EIF3J: variants seen among roughly 807,000 people sequenced by gnomAD.
EIF3J encodes eukaryotic translation initiation factor 3 subunit J.
EIF3J carries 15 observed loss-of-function variants against 39.0 expected under a neutral mutation model. The observed-to-expected ratio is 0.38, with a 90% CI of 0.26 to 0.59. EIF3J has a LOEUF of 0.59. EIF3J is among the 20% of genes least tolerant of loss of function. The pLI, the probability that EIF3J is intolerant of heterozygous loss-of-function variation, is 0.60. For missense variants in EIF3J, 226 were observed against 308.6 expected, an observed-to-expected ratio of 0.73 and a Z score of 2.00; for synonymous variants, 98 against 112.9, an observed-to-expected ratio of 0.87 and a Z score of 0.84.
At chr15:44,556,617 G>A (rs985535781) in intron 5 of EIF3J, among the ~76,000 whole-genome samples, 1 of 151,662 alleles carries the variant, frequency 6.6e-6, no homozygotes, top group Non-Finnish European at 1.5e-5. Flanking sequence ...AGTGATTCTC[G>A]TGCCTCAGCC....
chr15:44,539,772 T>C lies in EIF3J; in HGVS notation c.147+2345T>C, dbSNP rs565752485. Among the ~76,000 whole-genome samples, 14 of 148,572 alleles carry C rather than the reference T, an allele frequency of 9.4e-5. No individual in the cohort carries two copies. In the East Asian group the frequency reaches 2.4e-3, roughly 25 times the overall value. ...TTTTAACTTAAAGCAATCTATCTAT[T>C]CATCTAATTTTTTGAGAGAAGGTCT... On this transcript the variant is annotated intron_variant, in intron 2 of 7. Transcript: ENST00000261868.
At chr15:44,539,841 A>C (rs1595797144) in intron 2 of EIF3J, among the ~76,000 whole-genome samples, 2 of 147,506 alleles carry the variant, frequency 1.4e-5, no homozygotes, top group African/African-American at 2.5e-5. Flanking sequence ...GATCTCTGCA[A>C]CCTCCGCCTC....
At chr15:44,551,043 A>AC in intron 3 of EIF3J, 113 bp downstream of exon 3, 1 of 1,439,590 alleles carries the variant, frequency 6.9e-7, no homozygotes, top group Non-Finnish European at 9.2e-7. Flanking sequence ...GTATTTAGAA[A>AC]CCAAGTGTCC....
intron 2 of EIF3J, among the ~76,000 whole-genome samples, chr15:44,540,274 T>A (rs1348228373): frequency 1.4e-4 from 20 of 138,330 alleles, no homozygotes; most frequent in South Asian, 4.7e-4. Flanking sequence ...TATATTTTTT[T>A]TTTTTTTTTG....
At chr15:44,538,010 A>G (rs1313965870) in intron 2 of EIF3J, among the ~76,000 whole-genome samples, 1 of 152,128 alleles carries the variant, frequency 6.6e-6, no homozygotes, top group African/African-American at 2.4e-5. Flanking sequence ...AAAAGAATGA[A>G]CTGACCACTG....
intron 7 of EIF3J, 110 bp from the exon 8 acceptor site, chr15:44,560,908 A>G (rs1595809887): frequency 1.4e-6 from 2 of 1,413,574 alleles, no homozygotes; most frequent in East Asian, 4.8e-5. Flanking sequence ...TTACAGAACT[A>G]GTGTTTCTGG....
chr15:44,560,604 A>G (rs1367888805), intron 7 of EIF3J: 7 of 385,448 alleles, frequency 1.8e-5, no homozygotes, highest in South Asian at 6.1e-5. Flanking sequence ...TCTAAGCTTC[A>G]GTCTTCTCCC....
At chr15:44,552,791 C>T (rs1394149401) in intron 4 of EIF3J, among the ~76,000 whole-genome samples, 1 of 152,184 alleles carries the variant, frequency 6.6e-6, no homozygotes. Context: ...AACTCCTGAC[C>T]TCAGGTGATC....
intron 2 of EIF3J, among the ~76,000 whole-genome samples, chr15:44,543,831 C>G (rs1375855888): frequency 2.0e-5 from 3 of 152,002 alleles, no homozygotes; most frequent in Non-Finnish European, 4.4e-5. Context: ...ATGGGAGAAA[C>G]TAGGGACAGG....
At chr15:44,560,785 C>A (rs1036231226) in intron 7 of EIF3J, among the ~76,000 whole-genome samples, 1 of 152,178 alleles carries the variant, frequency 6.6e-6, no homozygotes, top group Non-Finnish European at 1.5e-5. Flanking sequence ...TAACTTATAA[C>A]CCCTGCTGGT....
intron 5 of EIF3J, among the ~76,000 whole-genome samples, chr15:44,555,389 C>G (rs953191031): frequency 3.9e-5 from 6 of 152,186 alleles, no homozygotes; most frequent in African/African-American, 1.4e-4. Flanking sequence ...TCTAGTTATT[C>G]TGATACCCCT....
intron 4 of EIF3J, among the ~76,000 whole-genome samples, chr15:44,551,788 C>T (rs565580803): frequency 6.6e-6 from 1 of 151,952 alleles, no homozygotes; most frequent in Non-Finnish European, 1.5e-5. Flanking sequence ...TTGCCAGTGC[C>T]TGTAGTTCAT....
intron 2 of EIF3J, among the ~76,000 whole-genome samples, chr15:44,544,885 T>C (rs1375922007): frequency 5.3e-5 from 8 of 150,960 alleles, no homozygotes; most frequent in African/African-American, 1.5e-4. Context: ...ATACCTGTAG[T>C]CCCAACTACT....
At position 44,557,646 on chromosome 15, in the gene EIF3J, T is replaced by G. The variant is rs1035618247; in HGVS notation, c.567T>G (p.Ile189Met). 2.7e-6 allele frequency: 4 copies of G among 1,472,102 alleles called. No individual in the cohort carries two copies. Among genetic ancestry groups the G allele is most frequent in the Non-Finnish European group, 3.6e-6 (4 of 1,107,616 alleles). 91.2% of individuals were successfully genotyped at this position (1,472,102 alleles called of 1,614,324 possible). Residue 189 changes from isoleucine to methionine, a missense_variant, in exon 6 of 8, where the codon ATT becomes ATG. Transcript: ENST00000261868. ...AAGTCTTAGTTCGAGATGTGTGTAT[T>G]TCATGTAAGTAATTCTAATTTCTAG... The part of the protein sequence containing the change: ...FLEVLVRDVC[I>M]SLEIDDLKKI...
chr15:44,552,538 TCC>T (rs1214086682), intron 4 of EIF3J, among the ~76,000 whole-genome samples: 1 of 151,180 alleles, frequency 6.6e-6, no homozygotes, highest in East Asian at 1.9e-4. Flanking sequence ...AGCCACCACG[TCC>T]AGCCTATTTT....
chr15:44,550,995 A>T, intron 3 of EIF3J, 65 bp downstream of exon 3: 1 of 1,554,482 alleles, frequency 6.4e-7, no homozygotes, highest in East Asian at 2.3e-5. Context: ...ACTTGTATTA[A>T]GACAAATGAC....
rs1301138337 is a variant in EIF3J at position 44,561,044 on chromosome 15, A to G, written c.672A>G (p.Lys224=). Residue 224 remains lysine, a synonymous_variant, in exon 8 of 8, where the codon AAA becomes AAG. Transcript: ENST00000261868. ...AAAGCAAAGCCAAAAAGAAGAAGAA[A>G]GGTGTGGTTCCTGGAGGGGGATTAA... ...EKQSKAKKKK[K]GVVPGGGLKA... 1.2e-6 allele frequency: 2 copies of G among 1,613,660 alleles called. No homozygotes were observed. Among genetic ancestry groups the G allele is most frequent in the Non-Finnish European group, 8.5e-7 (1 of 1,179,822 alleles).
At chr15:44,545,561 A>T (rs1231553272) in intron 2 of EIF3J, among the ~76,000 whole-genome samples, 2 of 152,238 alleles carry the variant, frequency 1.3e-5, no homozygotes, top group Non-Finnish European at 2.9e-5. Flanking sequence ...TAGTTATTTA[A>T]AACTTTTTTA....
At chr15:44,553,662 AGG>A (rs1054637644) in intron 4 of EIF3J, among the ~76,000 whole-genome samples, 3 of 152,112 alleles carry the variant, frequency 2.0e-5, no homozygotes, top group African/African-American at 7.2e-5. Context: ...TATGATGAAA[AGG>A]GGAAATGTTT....
Sources: gnomAD v4.1 joint callset for allele counts (sites outside exome capture counted in the v4.1 genomes callset) on GRCh38, gnomAD v4.1.1 for gene constraint, MANE v1.5 for transcripts, NCBI Gene and HGNC (gene_info 2026-07-23, HGNC 2026-07-21) for gene names.